The following DMRT1 variants were observed in gnomAD, a reference collection of about 807,000 sequenced individuals.
DMRT1 encodes doublesex- and mab-3-related transcription factor 1.
DMRT1 carries 7 observed loss-of-function variants against 32.3 expected under a neutral mutation model. The ratio of observed to expected loss-of-function variants is 0.22; its 90% CI spans 0.12 to 0.41. DMRT1 has a LOEUF of 0.41. DMRT1 is among the 10% of genes least tolerant of loss of function. The pLI is 1.00. For synonymous variants in DMRT1, 278 were observed against 206.1 expected (o/e 1.35, Z -2.99); for missense variants, 625 against 500.5 (o/e 1.25, Z -2.37).
chr9:874,402 C>T (rs920386857), intron 2 of DMRT1, among the ~76,000 whole-genome samples: 3 of 152,092 alleles, frequency 2.0e-5, no homozygotes, highest in East Asian at 1.9e-4. Context: ...TTTGTTTCCC[C>T]TTCATTGTCA....
chr9:875,233 G>C (rs1041781782), intron 2 of DMRT1, among the ~76,000 whole-genome samples: 5 of 152,188 alleles, frequency 3.3e-5, no homozygotes, highest in Admixed American at 2.6e-4. Context: ...AACCAGTATT[G>C]TTTCCGTGGT....
chr9:857,614 C>A (rs1416008833), intron 2 of DMRT1, among the ~76,000 whole-genome samples: 2 of 152,060 alleles, frequency 1.3e-5, no homozygotes, highest in African/African-American at 4.8e-5. Context: ...TAGTTTTAAT[C>A]TGTGAGTTTC....
intron 4 of DMRT1, among the ~76,000 whole-genome samples, chr9:938,312 C>G (rs1415842164): frequency 6.6e-6 from 1 of 152,098 alleles, no homozygotes; most frequent in African/African-American, 2.4e-5. Flanking sequence ...ATGCAAAAAA[C>G]AGATTTTGAG....
At chr9:883,241 A>G (rs1394302253) in intron 2 of DMRT1, among the ~76,000 whole-genome samples, 1 of 151,910 alleles carries the variant, frequency 6.6e-6, no homozygotes, top group Non-Finnish European at 1.5e-5. Flanking sequence ...AAAAAAAAGG[A>G]GCTGACATTC....
chr9:939,116 C>T (rs1176385839), intron 4 of DMRT1, among the ~76,000 whole-genome samples: 1 of 152,248 alleles, frequency 6.6e-6, no homozygotes, highest in Non-Finnish European at 1.5e-5. Context: ...TCCTTTTCCC[C>T]TAAGAATCCT....
At chr9:856,740 T>C (rs111773291) in intron 2 of DMRT1, among the ~76,000 whole-genome samples, 1,696 of 152,336 alleles carry the variant, frequency 0.011, 12 homozygotes, top group Non-Finnish European at 0.015. Flanking sequence ...TTTCATTCTC[T>C]TGGGTATATA....
intron 4 of DMRT1, among the ~76,000 whole-genome samples, chr9:947,149 A>G (rs369666600): frequency 1.3e-5 from 2 of 152,224 alleles, no homozygotes; most frequent in South Asian, 2.1e-4. Context: ...GAAAGAACCT[A>G]GTCCAAGCTT....
chr9:858,756 C>A (rs989202653), intron 2 of DMRT1, among the ~76,000 whole-genome samples: 3 of 151,380 alleles, frequency 2.0e-5, no homozygotes, highest in African/African-American at 7.3e-5. Context: ...TGCCAGTAAT[C>A]CCAACTACTT....
At chr9:902,067 G>C (rs537921407) in intron 3 of DMRT1, among the ~76,000 whole-genome samples, 92 of 150,814 alleles carry the variant, frequency 6.1e-4, no homozygotes, top group Non-Finnish European at 1.1e-3. Context: ...GCACCACCAC[G>C]CCCAGCTAAT....
intron 2 of DMRT1, among the ~76,000 whole-genome samples, chr9:853,388 GGTT>G (rs1815245760): frequency 6.6e-6 from 1 of 151,708 alleles, no homozygotes; most frequent in Admixed American, 6.6e-5. Context: ...TTCTCTGTGG[GGTT>G]ATTTAAATTT....
chr9:912,657 C>G lies in DMRT1; in HGVS notation c.823-4106C>G, dbSNP rs115055940. 7.2e-3 allele frequency among the ~76,000 whole-genome samples: 1,097 copies of G among 152,194 alleles called. 10 individuals carry two copies. Among genetic ancestry groups the G allele is most frequent in the African/African-American group, 0.024 (1,015 of 41,512 alleles). On this transcript the variant is annotated intron_variant, in intron 3 of 4. Transcript: ENST00000382276. ...ATAATACATACATTGGGATTGGCAG[C>G]GTTAGCCAGTCTATTTGTCAGATTT...
chr9:921,403 A>G (rs984954445), intron 4 of DMRT1, among the ~76,000 whole-genome samples: 4 of 152,148 alleles, frequency 2.6e-5, no homozygotes, highest in Non-Finnish European at 5.9e-5. Context: ...GTTGAGGGAT[A>G]TTGGGTTGTT....
At chr9:888,673 T>C (rs1268054395) in intron 2 of DMRT1, among the ~76,000 whole-genome samples, 2 of 151,774 alleles carry the variant, frequency 1.3e-5, no homozygotes, top group East Asian at 3.9e-4. Context: ...AGGTATCTCA[T>C]ATTTTTAGGA....
At chr9:942,207 C>T (rs1819097296) in intron 4 of DMRT1, among the ~76,000 whole-genome samples, 2 of 152,152 alleles carry the variant, frequency 1.3e-5, no homozygotes, top group Admixed American at 1.3e-4. Flanking sequence ...TTATGGTAAT[C>T]TTTTAAAAAC....
chr9:849,814 G>GCTCT (rs60583253), intron 2 of DMRT1, among the ~76,000 whole-genome samples: 5 of 148,040 alleles, frequency 3.4e-5, no homozygotes, highest in South Asian at 2.1e-4. Flanking sequence ...AGGACGATGG[G>GCTCT]CTCTCTCTCT....
chr9:946,870 C>T (rs527267289), intron 4 of DMRT1, among the ~76,000 whole-genome samples: 2 of 152,094 alleles, frequency 1.3e-5, no homozygotes, highest in South Asian at 4.1e-4. Context: ...TTTACACTGG[C>T]AGTAGTTGAG....
chr9:877,494 A>G (rs1354847931), intron 2 of DMRT1, among the ~76,000 whole-genome samples: 1 of 152,190 alleles, frequency 6.6e-6, no homozygotes, highest in African/African-American at 2.4e-5. Context: ...AGCTAAATGT[A>G]AAGCTGCACT....
chr9:852,921 C>G (rs893728036), intron 2 of DMRT1, among the ~76,000 whole-genome samples: 6 of 152,162 alleles, frequency 3.9e-5, no homozygotes, highest in African/African-American at 7.2e-5. Context: ...AGAGAGCACA[C>G]GCCAGTTGGG....
At chr9:867,695 T>A (rs1816051085) in intron 2 of DMRT1, among the ~76,000 whole-genome samples, 1 of 152,180 alleles carries the variant, frequency 6.6e-6, no homozygotes, top group Admixed American at 6.5e-5. Flanking sequence ...ATGCCCTACA[T>A]CGGGCTCCAT....
Sources: gnomAD v4.1 joint callset for allele counts (sites outside exome capture counted in the v4.1 genomes callset) on GRCh38, gnomAD v4.1.1 for gene constraint, MANE v1.5 for transcripts, NCBI Gene and HGNC (gene_info 2026-07-23, HGNC 2026-07-21) for gene names.